The following CARMIL1 variants were observed in gnomAD, a reference collection of about 807,000 sequenced individuals.
CARMIL1 encodes the protein capping protein regulator and myosin 1 linker 1, also known as F-actin-uncapping protein LRRC16A.
CARMIL1 carries 90 observed loss-of-function variants against 177.1 expected under a neutral mutation model. That is an observed-to-expected ratio of 0.51 (90% CI 0.43 to 0.61). CARMIL1 has a LOEUF of 0.61. Ranked by LOEUF, CARMIL1 falls within the 20% of genes least tolerant of loss-of-function variation. The pLI, the probability that CARMIL1 is intolerant of heterozygous loss-of-function variation, is 0.00. For synonymous variants in CARMIL1, 577 were observed against 606.2 expected, an observed-to-expected ratio of 0.95 and a Z score of 0.71; for missense variants, 1,380 against 1,667.0, an observed-to-expected ratio of 0.83 and a Z score of 3.00.
chr6:25,332,728 C>T (rs1323070406), intron 2 of CARMIL1, among the ~76,000 whole-genome samples: 1 of 141,322 alleles, frequency 7.1e-6, no homozygotes, highest in African/African-American at 2.6e-5. Flanking sequence ...CACCACCCAC[C>T]ATGCAAACAT....
At chr6:25,301,752 A>G (rs1436523762) in intron 2 of CARMIL1, among the ~76,000 whole-genome samples, 5 of 152,220 alleles carry the variant, frequency 3.3e-5, no homozygotes, top group Non-Finnish European at 7.3e-5. Flanking sequence ...TCTCACGGGC[A>G]GTTGAAGTCT....
intron 31 of CARMIL1, among the ~76,000 whole-genome samples, chr6:25,585,122 T>C (rs1295017885): frequency 6.6e-6 from 1 of 152,218 alleles, no homozygotes; most frequent in African/African-American, 2.4e-5. Flanking sequence ...AGTGAAAATA[T>C]ATTACCTTAT....
At chr6:25,567,780 T>G (rs193162372) in intron 29 of CARMIL1, among the ~76,000 whole-genome samples, 1 of 152,314 alleles carries the variant, frequency 6.6e-6, no homozygotes, top group Non-Finnish European at 1.5e-5. Context: ...TAGGTCACAG[T>G]AGATAAATTA....
Position 25,322,905 on chromosome 6 carries a change from T to C in CARMIL1, c.138+37996T>C, listed in dbSNP as rs77656204. 7.8e-3 allele frequency among the ~76,000 whole-genome samples: 1,189 copies of C among 152,308 alleles called. 51 individuals carry two copies. The East Asian group carries it at 0.094, about 12-fold the overall frequency. ...CCGCACAGTCTGAGGCATGATCTCT[T>C]TGTGTCTAGGTTGCTCCATTTAGCT... On this transcript the variant is annotated intron_variant, in intron 2 of 36. Transcript: ENST00000329474.
At chr6:25,479,636 GGCT>G (rs1289514328) in intron 11 of CARMIL1, among the ~76,000 whole-genome samples, 2 of 151,742 alleles carry the variant, frequency 1.3e-5, no homozygotes, top group Non-Finnish European at 2.9e-5. Flanking sequence ...TTATTTTTAT[GGCT>G]GCTATCTATT....
chr6:25,319,023 G>A (rs2150232465), intron 2 of CARMIL1, among the ~76,000 whole-genome samples: 1 of 152,272 alleles, frequency 6.6e-6, no homozygotes, highest in African/African-American at 2.4e-5. Context: ...CTTATTAGCT[G>A]TTTACTCATG....
At chr6:25,576,163 A>G (rs1197289661) in intron 29 of CARMIL1, among the ~76,000 whole-genome samples, 1 of 152,138 alleles carries the variant, frequency 6.6e-6, no homozygotes. Context: ...CATTCAGACT[A>G]AGAAGAGGAT....
chr6:25,428,889 A>G (rs1029224775), intron 4 of CARMIL1, among the ~76,000 whole-genome samples: 4 of 152,172 alleles, frequency 2.6e-5, no homozygotes, highest in Admixed American at 2.0e-4. Context: ...GTAACCTGCT[A>G]TCTTGTTCTA....
rs1386748823 is a variant in CARMIL1, at chr6:25,397,940, T to G, written c.139-22174T>G. On this transcript the variant is annotated intron_variant, in intron 2 of 36. Transcript: ENST00000329474. ...AGCACATGCTTTCTGTGTCTGTGTG[T>G]GCATGTGCATGCAGTGAGGGAAGAT... 3.3e-5 allele frequency among the ~76,000 whole-genome samples: 5 copies of G among 152,202 alleles called. No individual in the cohort carries two copies. The East Asian group carries it at 9.6e-4, about 29-fold the overall frequency.
chr6:25,329,573 T>A (rs1277594545), intron 2 of CARMIL1, among the ~76,000 whole-genome samples: 2 of 152,226 alleles, frequency 1.3e-5, no homozygotes, highest in Non-Finnish European at 2.9e-5. Context: ...GCAAAGTCTG[T>A]CTAGTAAGTG....
intron 29 of CARMIL1, among the ~76,000 whole-genome samples, chr6:25,565,387 A>G (rs148035414): frequency 3.9e-5 from 6 of 152,330 alleles, no homozygotes; most frequent in African/African-American, 1.2e-4. Flanking sequence ...TGTGATGTCC[A>G]GGAGTAGCTC....
intron 32 of CARMIL1, among the ~76,000 whole-genome samples, chr6:25,596,163 T>G (rs189041416): frequency 6.8e-6 from 1 of 146,256 alleles, no homozygotes; most frequent in East Asian, 2.3e-4. Flanking sequence ...TTGGGTAAAT[T>G]TTGTAAGGTA....
At chr6:25,308,198 T>G (rs1783433392) in intron 2 of CARMIL1, among the ~76,000 whole-genome samples, 1 of 152,196 alleles carries the variant, frequency 6.6e-6, no homozygotes, top group African/African-American at 2.4e-5. Flanking sequence ...TGTCTATAGC[T>G]GAGCTGAAAC....
intron 2 of CARMIL1, among the ~76,000 whole-genome samples, chr6:25,300,339 C>T (rs768543049): frequency 6.6e-6 from 1 of 152,146 alleles, no homozygotes; most frequent in Non-Finnish European, 1.5e-5. Context: ...TCCTGAGAAA[C>T]AGCAACATTA....
At chr6:25,474,445 A>G (rs1326596521) in intron 11 of CARMIL1, among the ~76,000 whole-genome samples, 1 of 152,068 alleles carries the variant, frequency 6.6e-6, no homozygotes, top group African/African-American at 2.4e-5. Context: ...AGCTGAATAT[A>G]TGATATAGAT....
At chr6:25,356,596 T>A (rs1788646230) in intron 2 of CARMIL1, among the ~76,000 whole-genome samples, 1 of 152,202 alleles carries the variant, frequency 6.6e-6, no homozygotes, top group Non-Finnish European at 1.5e-5. Context: ...CACGGAAAGA[T>A]GTACAAGGTT....
intron 21 of CARMIL1, among the ~76,000 whole-genome samples, chr6:25,516,452 T>G (rs1398578327): frequency 6.6e-6 from 1 of 152,202 alleles, no homozygotes; most frequent in Non-Finnish European, 1.5e-5. Flanking sequence ...AGCAGTCTGG[T>G]GAATGAAGAG....
At chr6:25,383,678 A>G (rs1006163775) in intron 2 of CARMIL1, 2 of 152,196 alleles carry the variant, frequency 1.3e-5, no homozygotes, top group Non-Finnish European at 2.9e-5. Context: ...ATGACATGCA[A>G]ATTTGTGAAA....
At chr6:25,355,573 T>C (rs137995232) in intron 2 of CARMIL1, among the ~76,000 whole-genome samples, 1 of 152,056 alleles carries the variant, frequency 6.6e-6, no homozygotes, top group East Asian at 1.9e-4. Flanking sequence ...ACTCTGGAGG[T>C]TGAGGCGGGA....
Sources: allele counts gnomAD v4.1 joint callset (sites outside exome capture counted in the v4.1 genomes callset), GRCh38; gene constraint gnomAD v4.1.1; transcripts MANE v1.5; gene names NCBI Gene and HGNC (gene_info 2026-07-23, HGNC 2026-07-21).